Variants in EYA1 observed in about 807,000 individuals in gnomAD.
EYA1 encodes the protein protein phosphatase EYA1.
EYA1 carries 16 observed loss-of-function variants against 82.0 expected under a neutral mutation model. The observed-to-expected ratio is 0.20, with a 90% CI of 0.13 to 0.30. The LOEUF is 0.30. EYA1 is among the 10% of genes least tolerant of loss of function. The probability of loss-of-function intolerance (pLI) is 1.00; values close to 1 mark genes in which losing one functional copy is unlikely to be tolerated. For missense variants in EYA1, 633 were observed against 730.7 expected (o/e 0.87, Z 1.54); for synonymous variants, 261 against 264.4 (o/e 0.99, Z 0.12).
upstream of EYA1, among the ~76,000 whole-genome samples, chr8:71,366,552 G>T (rs532932776): frequency 7.9e-5 from 12 of 152,256 alleles, no homozygotes; most frequent in South Asian, 2.1e-3. Flanking sequence ...AAGAGGATCT[G>T]GAAATTTGCT....
intron 3 of EYA1, among the ~76,000 whole-genome samples, chr8:71,337,387 A>C (rs952497093): frequency 1.3e-5 from 2 of 152,170 alleles, no homozygotes; most frequent in African/African-American, 4.8e-5. Flanking sequence ...GATCCTTAAA[A>C]ATATATTCAT....
chr8:71,220,732 T>G (rs988006475), intron 12 of EYA1, among the ~76,000 whole-genome samples: 2 of 152,044 alleles, frequency 1.3e-5, no homozygotes, highest in African/African-American at 4.8e-5. Context: ...AAAAAGTAGA[T>G]GAGGGAGAAA....
chr8:71,219,058 C>A (rs2128859365), intron 12 of EYA1, among the ~76,000 whole-genome samples: 1 of 152,286 alleles, frequency 6.6e-6, no homozygotes, highest in Middle Eastern at 3.4e-3. Flanking sequence ...GCGAATTTAG[C>A]TGTAAATCCT....
intron 1 of EYA1, among the ~76,000 whole-genome samples, chr8:71,536,195 T>C (rs1814699237): frequency 6.6e-6 from 1 of 152,174 alleles, no homozygotes; most frequent in South Asian, 2.1e-4. Context: ...TTTTTTTTTC[T>C]TTTTGAATTT....
rs767396845 is a variant in EYA1, at chr8:71,369,032, C to CG, written c.34-12522_34-12521insC. On this transcript the variant is annotated intron_variant, in intron 2 of 18. Transcript: ENST00000643681. ...TGAAACTCTGTCTCTACTAAAAATACAAAAAAAAAAAAAAAAAAAAAATAG... is the reference window on the plus strand; with the variant it reads ...TGAAACTCTGTCTCTACTAAAAATACGAAAAAAAAAAAAAAAAAAAAAATAG... Among the ~76,000 whole-genome samples the CG allele has an allele frequency of 9.1e-3, 1,032 of 112,822 alleles. 4 individuals are homozygous for CG. Among genetic ancestry groups the CG allele is most frequent in the Middle Eastern group, 0.044 (8 of 182 alleles). The allele number at this position is 112,822 out of a possible 152,430, so 74.0% of individuals were successfully genotyped here.
At chr8:71,531,859 G>A (rs1424874) in intron 2 of EYA1, among the ~76,000 whole-genome samples, 43,427 of 152,040 alleles carry the variant, frequency 0.29, 7,967 homozygotes, top group African/African-American at 0.52. Context: ...AGAAGAGTGG[G>A]TAGAACTTAC....
intron 2 of EYA1, among the ~76,000 whole-genome samples, chr8:71,490,330 G>T (rs966568398): frequency 1.3e-5 from 2 of 152,060 alleles, no homozygotes; most frequent in African/African-American, 4.8e-5. Flanking sequence ...GACTGACAAG[G>T]TTTCTTGATT....
In EYA1 at chr8:71,198,932, C is replaced by T. The variant is rs1264100788; in HGVS notation, c.*408G>A. On this transcript the variant is annotated 3_prime_UTR_variant, in exon 18 of 18. Transcript: ENST00000340726. ...GTAAACCTTCTTTACAAGAAAATTC[C>T]TCCACTGGTATTCAGGAAACACATT... is the stretch of plus-strand genomic sequence containing the variant. 1 of 237,028 alleles carries T rather than the reference C, an allele frequency of 4.2e-6. No individual in the cohort carries two copies. The highest frequency in any genetic ancestry group is 2.2e-5 in the African/African-American group (1 of 44,496). 14.7% of individuals were successfully genotyped at this position (237,028 alleles called of 1,614,324 possible).
At position 71,299,728 on chromosome 8, in the gene EYA1, A is replaced by G. The variant is rs1367181066; in HGVS notation, c.557-8T>C. On this transcript the variant is annotated splice_polypyrimidine_tract_variant and splice_region_variant and intron_variant, in intron 7 of 17. Coordinates refer to ENST00000340726, the MANE Select transcript of EYA1 (RefSeq NM_000503.6). ...ATGTTGTAAAACTGCTACCTAAAACAAAATGAAAAGAAATACGATTATACC... is the reference window on the plus strand; with the variant it reads ...ATGTTGTAAAACTGCTACCTAAAACGAAATGAAAAGAAATACGATTATACC... The G allele has an allele frequency of 7.2e-7, 1 of 1,390,736 alleles. No individual in the cohort carries two copies. Among genetic ancestry groups the G allele is most frequent in the Non-Finnish European group, 1.0e-6 (1 of 978,598 alleles). 86.1% of individuals were successfully genotyped at this position (1,390,736 alleles called of 1,614,324 possible). A position where few individuals can be genotyped will look rare whatever the true frequency, so the allele number is the denominator to read the frequency against.
chr8:71,237,673 C>T (rs999755655), intron 12 of EYA1, among the ~76,000 whole-genome samples: 2 of 152,140 alleles, frequency 1.3e-5, no homozygotes, highest in South Asian at 4.1e-4. Context: ...ACATATATTT[C>T]CATTATTTAT....
At chr8:71,344,829 A>C (rs1165133319) in intron 3 of EYA1, among the ~76,000 whole-genome samples, 1 of 152,250 alleles carries the variant, frequency 6.6e-6, no homozygotes, top group Non-Finnish European at 1.5e-5. Context: ...AACCTCAATC[A>C]TATCAATGTG....
At position 71,487,846 on chromosome 8, in the gene EYA1, T is replaced by C. The variant is rs557905811; in HGVS notation, c.33+47898A>G. Among the ~76,000 whole-genome samples, 121 of 152,282 alleles carry C rather than the reference T, an allele frequency of 7.9e-4. 1 individual carries two copies. The highest frequency in any genetic ancestry group is 2.6e-3 in the African/African-American group (110 of 41,548). The stretch of plus-strand genomic sequence containing the variant: ...AAGAATTGTTGAAGACATGGAGCAA[T>C]TGGAAAGCTCAGACATTACTAGTGG... On this transcript the variant is annotated intron_variant, in intron 2 of 18. Transcript: ENST00000643681.
At chr8:71,303,862 C>T (rs1262601688) in intron 7 of EYA1, among the ~76,000 whole-genome samples, 1 of 142,428 alleles carries the variant, frequency 7.0e-6, no homozygotes, top group African/African-American at 2.5e-5. Flanking sequence ...TGATCATTCC[C>T]ATTTTGCAGA....
intron 2 of EYA1, among the ~76,000 whole-genome samples, chr8:71,418,906 G>T (rs1830999365): frequency 6.6e-6 from 1 of 152,174 alleles, no homozygotes; most frequent in African/African-American, 2.4e-5. Context: ...AAGTAAGAAA[G>T]TAGGCTACAG....
chr8:71,317,736 T>C lies in EYA1; in HGVS notation c.419-47A>G, dbSNP rs757248017. ...TATCTATCTGTCCATTTTCAAAAGC[T>C]GGTAAATATACAAAAACATACACTT... is the stretch of plus-strand genomic sequence containing the variant. On this transcript the variant is annotated intron_variant, in intron 6 of 17. Transcript: ENST00000340726. 5 of 1,591,924 alleles carry C rather than the reference T, an allele frequency of 3.1e-6. No individual in the cohort carries two copies. The South Asian group carries it at 5.5e-5, about 18-fold the overall frequency.
intron 2 of EYA1, among the ~76,000 whole-genome samples, chr8:71,479,080 G>C (rs973679559): frequency 3.3e-5 from 5 of 152,140 alleles, no homozygotes; most frequent in Non-Finnish European, 7.4e-5. Context: ...ATGTGATAGG[G>C]ACCTACTTTC....
chr8:71,422,198 T>C (rs1257876928), intron 2 of EYA1, among the ~76,000 whole-genome samples: 1 of 152,232 alleles, frequency 6.6e-6, no homozygotes, highest in Non-Finnish European at 1.5e-5. Flanking sequence ...CTCCCAGATA[T>C]ATTTTGTCTT....
chr8:71,281,187 T>A (rs1305298433), intron 9 of EYA1, among the ~76,000 whole-genome samples: 1 of 152,218 alleles, frequency 6.6e-6, no homozygotes, highest in Non-Finnish European at 1.5e-5. Context: ...TACTACTCTT[T>A]ACCTTTGCAG....
At chr8:71,379,051 T>G (rs1828541605) in intron 2 of EYA1, among the ~76,000 whole-genome samples, 1 of 152,140 alleles carries the variant, frequency 6.6e-6, no homozygotes, top group Non-Finnish European at 1.5e-5. Flanking sequence ...AAATCTCACC[T>G]ACTACAGTAG....
Sources: allele counts gnomAD v4.1 joint callset (sites outside exome capture counted in the v4.1 genomes callset), GRCh38; gene constraint gnomAD v4.1.1; transcripts MANE v1.5; gene names NCBI Gene and HGNC (gene_info 2026-07-23, HGNC 2026-07-21).